The following NDUFA10 variants were observed in gnomAD, a reference collection of about 807,000 sequenced individuals.
NDUFA10 encodes NADH:ubiquinone oxidoreductase subunit A10, also known as NADH dehydrogenase [ubiquinone] 1 alpha subcomplex subunit 10, mitochondrial.
Under a neutral mutation model 47.8 loss-of-function variants are expected in NDUFA10, and 40 were observed. The observed-to-expected ratio is 0.84, with a 90% CI of 0.65 to 1.09. NDUFA10 has a LOEUF of 1.09. Among genes scored for constraint, NDUFA10 ranks in the 50% least tolerant of loss-of-function variants. The pLI is 0.00. For missense variants in NDUFA10, 413 were observed against 451.1 expected, an observed-to-expected ratio of 0.92 and a Z score of 0.76; for synonymous variants, 183 against 172.2, an observed-to-expected ratio of 1.06 and a Z score of -0.49.
intron 8 of NDUFA10, among the ~76,000 whole-genome samples, chr2:240,003,434 A>G (rs1350213924): frequency 6.6e-6 from 1 of 152,194 alleles, no homozygotes; most frequent in Non-Finnish European, 1.5e-5. Context: ...CTCGAGAGGC[A>G]AAGTGTTGGT....
At chr2:239,970,780 A>C (rs1197310609) in intron 9 of NDUFA10, among the ~76,000 whole-genome samples, 1 of 152,268 alleles carries the variant, frequency 6.6e-6, no homozygotes, top group Non-Finnish European at 1.5e-5. Flanking sequence ...GTAGCTCGTA[A>C]GGCCACAAAG....
chr2:239,956,824 C>T (rs1424426650), downstream of NDUFA10, among the ~76,000 whole-genome samples: 11 of 152,204 alleles, frequency 7.2e-5, no homozygotes, highest in African/African-American at 2.7e-4. Context: ...CTCTACCCTA[C>T]CTGCTTGTTT....
rs145066368 is a variant in NDUFA10, at chr2:239,914,563, T to TAC, written c.295-19251_295-19250dup. On this transcript the variant is annotated intron_variant, in intron 4 of 5. Transcript: ENST00000419408. ...ACACACAAATATACAGACACAGAGA[T>TAC]ACACACACACACAGAGAACACATAC... 7.0e-5 allele frequency among the ~76,000 whole-genome samples: 7 copies of TAC among 100,168 alleles called. 1 individual carries two copies. Among genetic ancestry groups the TAC allele is most frequent in the South Asian group, 6.0e-4 (2 of 3,316 alleles). The allele number at this position is 100,168 out of a possible 152,430, so 65.7% of individuals were successfully genotyped here.
chr2:239,941,365 A>G (rs1694357519), intron 4 of NDUFA10, among the ~76,000 whole-genome samples: 1 of 152,146 alleles, frequency 6.6e-6, no homozygotes. Context: ...CGATGATGTG[A>G]ATGCACCGGG....
chr2:239,994,975 C>T (rs1162615696), intron 8 of NDUFA10, among the ~76,000 whole-genome samples: 1 of 152,102 alleles, frequency 6.6e-6, no homozygotes, highest in Non-Finnish European at 1.5e-5. Flanking sequence ...GATTTTATAG[C>T]TTATAAAAAG....
In NDUFA10 at chr2:239,967,777, A is replaced by G. The variant is rs765783360; in HGVS notation, c.1000-6591T>C. Among the ~76,000 whole-genome samples, 4 of 152,310 alleles carry G rather than the reference A, an allele frequency of 2.6e-5. No individual in the cohort carries two copies. The East Asian group carries it at 5.8e-4, about 22-fold the overall frequency. ...GACGCCACTGAGTTTGTGTGATTCA[A>G]CGTAAGGACTGGATGAGTTCTGATG... On this transcript the variant is annotated intron_variant, in intron 9 of 9. Coordinates refer to ENST00000252711, the MANE Select transcript of NDUFA10 (RefSeq NM_004544.4).
intron 9 of NDUFA10, among the ~76,000 whole-genome samples, chr2:239,989,226 T>G (rs139297174): frequency 6.6e-6 from 1 of 152,182 alleles, no homozygotes; most frequent in African/African-American, 2.4e-5. Flanking sequence ...TCCAAAAAAT[T>G]TACTTAAAAG....
chr2:239,942,665 T>A (rs1185096809), intron 4 of NDUFA10, among the ~76,000 whole-genome samples: 3 of 152,126 alleles, frequency 2.0e-5, no homozygotes, highest in South Asian at 2.1e-4. Flanking sequence ...GCCTTCCGCA[T>A]GTTTATCTTG....
At chr2:239,999,047 G>A (rs1358520749) in intron 8 of NDUFA10, among the ~76,000 whole-genome samples, 1 of 152,174 alleles carries the variant, frequency 6.6e-6, no homozygotes, top group African/African-American at 2.4e-5. Context: ...GGAGGAGGCT[G>A]TGGGAACCAA....
At position 240,019,547 on chromosome 2, in the gene NDUFA10, G is replaced by A. The variant is rs867887299; in HGVS notation, c.461-908C>T. Among the ~76,000 whole-genome samples, 12 of 27,674 alleles carry A rather than the reference G, an allele frequency of 4.3e-4. 5 individuals carry two copies. Among genetic ancestry groups the A allele is most frequent in the Non-Finnish European group, 5.6e-4 (7 of 12,602 alleles). The allele number at this position is 27,674 out of a possible 152,430, so 18.2% of individuals were successfully genotyped here. A position where few individuals can be genotyped will look rare whatever the true frequency, so the allele number is the denominator to read the frequency against. On this transcript the variant is annotated intron_variant, in intron 3 of 9. Transcript: ENST00000252711. ...TAAAAAGAACGTGGAGGCCGGGCGC[G>A]GTGGCTCACGCCTGTAATCCCAGCA...
At chr2:239,896,519 T>C (rs1360567967) in intron 4 of NDUFA10, among the ~76,000 whole-genome samples, 1 of 152,210 alleles carries the variant, frequency 6.6e-6, no homozygotes, top group Non-Finnish European at 1.5e-5. Context: ...ACCCAGACAC[T>C]GCAACCAGCC....
At chr2:239,915,197 A>T (rs1398694366) in intron 4 of NDUFA10, among the ~76,000 whole-genome samples, 1 of 148,480 alleles carries the variant, frequency 6.7e-6, no homozygotes, top group African/African-American at 2.5e-5. Flanking sequence ...ACACACGTAT[A>T]CAGACACACA....
At chr2:239,990,047 C>A (rs1341443280) in intron 9 of NDUFA10, 27 bp downstream of exon 9, 1 of 1,534,144 alleles carries the variant, frequency 6.5e-7, no homozygotes, top group South Asian at 1.1e-5. Flanking sequence ...ATCCACTGGC[C>A]AGCTTTCTCC....
chr2:239,952,588 C>CAAAGCAGCCTCCCCTCTCTTCCT (rs1694574690), downstream of NDUFA10, among the ~76,000 whole-genome samples: 1 of 151,610 alleles, frequency 6.6e-6, no homozygotes, highest in Admixed American at 6.5e-5. Flanking sequence ...CCACGATGGA[C>CAAAGCAGCCTCCCCTCTCTTCCT]AAAGCAGCCT....
At chr2:239,914,624 TAC>T (rs1180847644) in intron 4 of NDUFA10, among the ~76,000 whole-genome samples, 2 of 97,640 alleles carry the variant, frequency 2.0e-5, no homozygotes, top group Non-Finnish European at 4.0e-5. Flanking sequence ...GAGATACACA[TAC>T]ACACACAGAA....
In NDUFA10 at chr2:240,022,364, C is replaced by T. The variant is rs750272496; in HGVS notation, c.76-24G>A. 30 of 1,613,898 alleles carry T rather than the reference C, an allele frequency of 1.9e-5. 1 individual carries two copies. The South Asian group carries it at 3.2e-4, about 17-fold the overall frequency. On this transcript the variant is annotated intron_variant, in intron 1 of 9. Coordinates refer to ENST00000252711, the MANE Select transcript of NDUFA10 (RefSeq NM_004544.4). Reference sequence around the variant, plus strand: ...CTCTGAAAAACACAAAATCACACAGCAGCACATTGTGACCACTCTGGTTCC... The same window carrying T: ...CTCTGAAAAACACAAAATCACACAGTAGCACATTGTGACCACTCTGGTTCC...
chr2:239,922,221 G>T (rs1008487721), intron 4 of NDUFA10, among the ~76,000 whole-genome samples: 1 of 151,972 alleles, frequency 6.6e-6, no homozygotes. Flanking sequence ...TTCTGCTCTG[G>T]AGTGGCCAGT....
At chr2:239,991,690 C>T (rs1024152452) in intron 8 of NDUFA10, among the ~76,000 whole-genome samples, 57 of 152,170 alleles carry the variant, frequency 3.7e-4, no homozygotes, top group African/African-American at 1.3e-3. Flanking sequence ...TATCTTCTTA[C>T]TGTTAACACA....
intron 4 of NDUFA10, among the ~76,000 whole-genome samples, chr2:239,907,225 G>C (rs932534496): frequency 6.6e-6 from 1 of 152,166 alleles, no homozygotes; most frequent in Non-Finnish European, 1.5e-5. Flanking sequence ...GCTGAAACTG[G>C]ATCTCTTCCT....
Sources: allele counts gnomAD v4.1 joint callset (sites outside exome capture counted in the v4.1 genomes callset), GRCh38; gene constraint gnomAD v4.1.1; transcripts MANE v1.5; gene names NCBI Gene and HGNC (gene_info 2026-07-23, HGNC 2026-07-21).